The following NGLY1 variants were observed in gnomAD, a reference collection of about 807,000 sequenced individuals.
NGLY1 encodes the protein peptide-N(4)-(N-acetyl-beta-glucosaminyl)asparagine amidase.
Under a neutral mutation model 84.6 loss-of-function variants are expected in NGLY1, and 68 were observed. The observed-to-expected ratio is 0.80, with a 90% CI of 0.66 to 0.98. NGLY1 has a LOEUF of 0.98. NGLY1 is among the 50% of genes least tolerant of loss of function. NGLY1 has a pLI of 0.00. For missense variants in NGLY1, 779 were observed against 770.2 expected, an observed-to-expected ratio of 1.01 and a Z score of -0.14; for synonymous variants, 280 against 275.2, an observed-to-expected ratio of 1.02 and a Z score of -0.17.
At chr3:25,721,895 C>T (rs925703357) in intron 10 of NGLY1, among the ~76,000 whole-genome samples, 1 of 151,180 alleles carries the variant, frequency 6.6e-6, no homozygotes, top group African/African-American at 2.4e-5. Flanking sequence ...AAATCATAAG[C>T]TCTCTGGGGG....
Position 25,783,243 on chromosome 3 carries a change from A to C in NGLY1, c.131+17T>G. The C allele has an allele frequency of 1.3e-6, 2 of 1,543,158 alleles. No homozygotes were observed. The highest frequency in any genetic ancestry group is 1.1e-5 in the South Asian group (1 of 89,680). Reference sequence around the variant, plus strand: ...CACCCACCCCGGTACCCGCCGTCCGACCCCGTTGCCCTGCACCTGAGGATG... The same window carrying C: ...CACCCACCCCGGTACCCGCCGTCCGCCCCCGTTGCCCTGCACCTGAGGATG... On this transcript the variant is annotated intron_variant, in intron 1 of 11. Coordinates refer to ENST00000280700, the MANE Select transcript of NGLY1 (RefSeq NM_018297.4). The surrounding 1 kb of genome is among the most constrained non-coding windows in gnomAD (Gnocchi z 4.5).
chr3:25,729,398 G>A, intron 9 of NGLY1, 80 bp from the exon 10 acceptor site: 3 of 866,884 alleles, frequency 3.5e-6, no homozygotes, highest in Non-Finnish European at 4.7e-6. Context: ...AAGCAGAGTG[G>A]TAAGAGAATC....
At chr3:25,785,473 A>G (rs774112629), upstream of NGLY1, among the ~76,000 whole-genome samples, 4 of 151,686 alleles carry the variant, frequency 2.6e-5, no homozygotes, top group Admixed American at 6.6e-5. Flanking sequence ...ATTATATGAG[A>G]ATAGTATATA....
chr3:25,720,963 T>C (rs2125444249), intron 10 of NGLY1, among the ~76,000 whole-genome samples: 1 of 65,540 alleles, frequency 1.5e-5, no homozygotes, highest in African/African-American at 3.2e-5. Context: ...ATGTATTTGT[T>C]TGAAATCTTG....
intron 1 of NGLY1, among the ~76,000 whole-genome samples, chr3:25,788,850 G>T (rs1708658970): frequency 6.6e-6 from 1 of 152,170 alleles, no homozygotes; most frequent in African/African-American, 2.4e-5. Flanking sequence ...GAGCTTTGCT[G>T]AATTATTTTA....
chr3:25,729,024 A>G lies in NGLY1; in HGVS notation c.1611+109T>C, dbSNP rs533718442. On this transcript the variant is annotated intron_variant, in intron 10 of 11. Coordinates refer to ENST00000280700, the MANE Select transcript of NGLY1 (RefSeq NM_018297.4). ...TTTCCAGGTTATAGGATTACTGAAA[A>G]TAAGTTTGATATATCAGTTTTCATA... 108 of 689,404 alleles carry G rather than the reference A, an allele frequency of 1.6e-4. No homozygotes were observed. In the African/African-American group the frequency reaches 2.0e-3, roughly 12 times the overall value. The allele number at this position is 689,404 out of a possible 1,614,324, so 42.7% of individuals were successfully genotyped here. A position where few individuals can be genotyped will look rare whatever the true frequency, so the allele number is the denominator to read the frequency against.
chr3:25,774,580 G>A (rs1708065379), intron 2 of NGLY1, among the ~76,000 whole-genome samples: 1 of 152,072 alleles, frequency 6.6e-6, no homozygotes, highest in African/African-American at 2.4e-5. Flanking sequence ...GGGAAAGCCA[G>A]CAATAACAGG....
intron 10 of NGLY1, 92 bp from the exon 11 acceptor site, chr3:25,720,283 G>T (rs1704919097): frequency 3.0e-6 from 3 of 1,015,166 alleles, no homozygotes; most frequent in Non-Finnish European, 2.9e-6. Flanking sequence ...CTGTCACAGG[G>T]TAGTATGTAC....
Position 25,737,383 on chromosome 3 carries a change from C to G in NGLY1, c.954G>C (p.Leu318=), listed in dbSNP as rs938879273. 3 of 1,613,790 alleles carry G rather than the reference C, an allele frequency of 1.9e-6. No individual in the cohort carries two copies. In the African/African-American group the frequency reaches 4.0e-5, roughly 22 times the overall value. Residue 318 remains leucine (L), a synonymous_variant, in exon 6 of 12, where the codon CTG becomes CTC. Coordinates refer to ENST00000280700, the MANE Select transcript of NGLY1 (RefSeq NM_018297.4). ...RCGEWANCFT[L]CCRAVGFEAR... The stretch of plus-strand genomic sequence containing the variant: ...CTTCAAACCCTACAGCTCGGCAGCA[C>G]AGTGTAAAACAATTGGCCCACTCGC...
upstream of NGLY1, among the ~76,000 whole-genome samples, chr3:25,785,806 G>A (rs1019002322): frequency 6.6e-6 from 1 of 152,220 alleles, no homozygotes; most frequent in African/African-American, 2.4e-5. Context: ...CTGACAGATA[G>A]AATGGTCATA....
intron 10 of NGLY1, among the ~76,000 whole-genome samples, chr3:25,728,764 AC>A (rs1705388460): frequency 6.6e-6 from 1 of 152,084 alleles, no homozygotes; most frequent in South Asian, 2.1e-4. Context: ...CAATCAATAC[AC>A]ATCTGTGAAG....
upstream of NGLY1, chr3:25,783,657 G>A (rs1162692619): frequency 3.5e-6 from 1 of 286,618 alleles, no homozygotes; most frequent in Non-Finnish European, 6.2e-6. This position sits in a 1 kb window ranked among gnomAD's most constrained non-coding sequence, Gnocchi z 4.5. Context: ...GGGGAGCTCG[G>A]CTGGGAGCTA....
chr3:25,776,382 G>A (rs190685541), intron 2 of NGLY1, among the ~76,000 whole-genome samples: 26 of 152,274 alleles, frequency 1.7e-4, no homozygotes, highest in African/African-American at 5.8e-4. Flanking sequence ...AGAGTCTTCC[G>A]TTGTCATTTA....
chr3:25,720,827 T>C (rs554383669), intron 10 of NGLY1, among the ~76,000 whole-genome samples: 5 of 152,300 alleles, frequency 3.3e-5, no homozygotes, highest in African/African-American at 9.6e-5. Flanking sequence ...CCTCAAAACA[T>C]TGCCATGAAA....
At chr3:25,739,440 C>G (rs1475838853) in intron 5 of NGLY1, 137 bp downstream of exon 5, 1 of 807,130 alleles carries the variant, frequency 1.2e-6, no homozygotes, top group Non-Finnish European at 1.9e-6. Flanking sequence ...ATTTAGCCTG[C>G]CAGCCACGGT....
chr3:25,740,254 AATC>A (rs1432430267), intron 4 of NGLY1, among the ~76,000 whole-genome samples: 1 of 152,216 alleles, frequency 6.6e-6, no homozygotes, highest in African/African-American at 2.4e-5. Flanking sequence ...ACATTTAAAA[AATC>A]ATCCTATTAG....
Position 25,751,202 on chromosome 3 carries a change from T to C in NGLY1, c.554A>G (p.Tyr185Cys), listed in dbSNP as rs1185701065. Residue 185 changes from tyrosine (Y) to cysteine (C), a missense_variant, in exon 4 of 12, where the codon TAT becomes TGT. By Grantham distance (194) the Tyr-to-Cys change is radical. Transcript: ENST00000280700. ...LQSNIQHVLVYENPALQEKAL... is the reference protein window; with the variant it reads ...LQSNIQHVLVCENPALQEKAL... ...TTTCTCCTGAAGAGCAGGATTTTCA[T>C]AGACCAGCACATGCTGAATGTTGGA... The C allele has an allele frequency of 9.9e-6, 16 of 1,613,424 alleles. No individual in the cohort carries two copies. Among genetic ancestry groups the C allele is most frequent in the South Asian group, 9.9e-5 (9 of 91,018 alleles).
At chr3:25,765,748 T>G (rs1707532588) in intron 2 of NGLY1, among the ~76,000 whole-genome samples, 1 of 152,188 alleles carries the variant, frequency 6.6e-6, no homozygotes, top group African/African-American at 2.4e-5. Flanking sequence ...TAGGCATTTT[T>G]TTCTCTGAGG....
chr3:25,779,366 T>A (rs142515576), intron 1 of NGLY1, among the ~76,000 whole-genome samples: 198 of 152,332 alleles, frequency 1.3e-3, no homozygotes, highest in African/African-American at 4.4e-3. Flanking sequence ...GGTTTGAGAT[T>A]TTTAATTACT....
Sources: gnomAD v4.1 joint callset for allele counts (sites outside exome capture counted in the v4.1 genomes callset) on GRCh38, gnomAD v4.1.1 for gene constraint, Gnocchi (gnomAD v3.1) non-coding constraint, MANE v1.5 for transcripts, NCBI Gene and HGNC (gene_info 2026-07-23, HGNC 2026-07-21) for gene names.